Variants in SLC6A11 observed in about 807,000 individuals in gnomAD.
SLC6A11 encodes sodium- and chloride-dependent GABA transporter 3.
Under a neutral mutation model 74.8 loss-of-function variants are expected in SLC6A11, and 25 were observed. The observed-to-expected ratio is 0.33, with a 90% CI of 0.24 to 0.47. The LOEUF is 0.47. SLC6A11 is among the 20% of genes least tolerant of loss of function. SLC6A11 has a pLI of 1.00. For missense variants in SLC6A11, 574 were observed against 837.0 expected, an observed-to-expected ratio of 0.69 and a Z score of 3.88; for synonymous variants, 330 against 330.2, an observed-to-expected ratio of 1.00 and a Z score of 0.01.
At chr3:10,925,012 G>A (rs186368873) in intron 8 of SLC6A11, among the ~76,000 whole-genome samples, 5 of 152,110 alleles carry the variant, frequency 3.3e-5, no homozygotes, top group Non-Finnish European at 5.9e-5. Context: ...GTCCGAGGAC[G>A]AAAAAAAATT....
chr3:10,920,790 G>A (rs1326217929), intron 8 of SLC6A11, among the ~76,000 whole-genome samples: 1 of 152,244 alleles, frequency 6.6e-6, no homozygotes, highest in Non-Finnish European at 1.5e-5. Context: ...CATAAGCAGT[G>A]CAGCCTGGAT....
At chr3:10,887,501 A>C (rs1057019136) in intron 6 of SLC6A11, among the ~76,000 whole-genome samples, 1 of 152,138 alleles carries the variant, frequency 6.6e-6, no homozygotes. Context: ...GCTGGAGTAC[A>C]ATGGCCTGAT....
intron 6 of SLC6A11, among the ~76,000 whole-genome samples, chr3:10,876,739 C>A (rs1246196171): frequency 2.3e-5 from 1 of 43,432 alleles, no homozygotes; most frequent in Non-Finnish European, 6.1e-5. Context: ...AACGCCCCGC[C>A]CCCCCCCCCC....
In SLC6A11 at chr3:10,935,206, C is replaced by A; in HGVS notation, c.1746+7C>A. On this transcript the variant is annotated splice_region_variant and intron_variant, in intron 13 of 13. Transcript: ENST00000254488. Reference sequence around the variant, plus strand: ...GGAGGGGACACTGCCCGAGGTGAGACCGCCCCAGGAGGGCTGGTGCGTTTG... The same window carrying A: ...GGAGGGGACACTGCCCGAGGTGAGAACGCCCCAGGAGGGCTGGTGCGTTTG... The A allele has an allele frequency of 6.2e-7, 1 of 1,613,706 alleles. No homozygotes were observed. Among genetic ancestry groups the A allele is most frequent in the Non-Finnish European group, 8.5e-7 (1 of 1,179,704 alleles).
intron 5 of SLC6A11, among the ~76,000 whole-genome samples, chr3:10,866,855 G>T (rs1168226288): frequency 6.6e-6 from 1 of 152,200 alleles, no homozygotes; most frequent in Non-Finnish European, 1.5e-5. Context: ...CATGTGTCCA[G>T]GGTGGCCTTT....
intron 5 of SLC6A11, among the ~76,000 whole-genome samples, chr3:10,858,864 G>T (rs1163753099): frequency 1.3e-5 from 2 of 152,208 alleles, no homozygotes; most frequent in African/African-American, 2.4e-5. Context: ...CTAAGACTTG[G>T]TCCTGTGCAG....
At chr3:10,870,011 A>AG (rs1694810576) in intron 5 of SLC6A11, among the ~76,000 whole-genome samples, 1 of 152,086 alleles carries the variant, frequency 6.6e-6, no homozygotes, top group African/African-American at 2.4e-5. Context: ...TGAATATATG[A>AG]GGGGGCAGAC....
At chr3:10,838,459 A>G (rs1694395571) in intron 4 of SLC6A11, among the ~76,000 whole-genome samples, 1 of 152,204 alleles carries the variant, frequency 6.6e-6, no homozygotes, top group African/African-American at 2.4e-5. Context: ...TCAACTCTCA[A>G]TCTGGGGGCA....
At chr3:10,859,684 G>A (rs1694680711) in intron 5 of SLC6A11, among the ~76,000 whole-genome samples, 2 of 152,168 alleles carry the variant, frequency 1.3e-5, no homozygotes, top group Non-Finnish European at 2.9e-5. Flanking sequence ...GTGAGGGTCT[G>A]TAGATATCGT....
chr3:10,845,340 G>T (rs1009710701), intron 5 of SLC6A11, among the ~76,000 whole-genome samples: 2 of 152,140 alleles, frequency 1.3e-5, no homozygotes, highest in African/African-American at 4.8e-5. Context: ...TCCTGTGGCT[G>T]AGTATCAATG....
intron 6 of SLC6A11, among the ~76,000 whole-genome samples, chr3:10,882,180 C>A (rs143877434): frequency 1.3e-5 from 2 of 152,176 alleles, no homozygotes; most frequent in Admixed American, 1.3e-4. Context: ...AGGGCTGAGA[C>A]GGCACAGCAA....
chr3:10,900,864 T>C (rs1385182308), intron 6 of SLC6A11, among the ~76,000 whole-genome samples: 1 of 152,180 alleles, frequency 6.6e-6, no homozygotes, highest in Non-Finnish European at 1.5e-5. Context: ...TTGCCCACTC[T>C]GACTCCCCCT....
At position 10,926,000 on chromosome 3, in the gene SLC6A11, C is replaced by G. The variant is rs756333513; in HGVS notation, c.1121-4C>G. The G allele has an allele frequency of 9.5e-6, 15 of 1,582,074 alleles. No individual in the cohort carries two copies. Among genetic ancestry groups the G allele is most frequent in the Admixed American group, 1.7e-5 (1 of 59,204 alleles). On this transcript the variant is annotated splice_polypyrimidine_tract_variant and splice_region_variant and intron_variant, in intron 8 of 13. Coordinates refer to ENST00000254488, the MANE Select transcript of SLC6A11 (RefSeq NM_014229.3). ...AGTGGCTTTCTCTCTCTCCCTCGCT[C>G]CAGGCCCCGGCCTGGCCTTTATTGC...
intron 5 of SLC6A11, among the ~76,000 whole-genome samples, chr3:10,844,782 A>T (rs1411175289): frequency 2.6e-5 from 4 of 152,102 alleles, no homozygotes; most frequent in Admixed American, 2.6e-4. Flanking sequence ...CCTCACCTGG[A>T]GTCTGGAGGG....
intron 4 of SLC6A11, among the ~76,000 whole-genome samples, chr3:10,830,694 G>A (rs1694283584): frequency 6.6e-6 from 1 of 152,152 alleles, no homozygotes; most frequent in African/African-American, 2.4e-5. Context: ...GGAGCTACAG[G>A]GCCGAGGGAG....
intron 11 of SLC6A11, among the ~76,000 whole-genome samples, chr3:10,933,806 C>G (rs577015443): frequency 6.6e-6 from 1 of 152,338 alleles, no homozygotes; most frequent in Admixed American, 6.5e-5. Flanking sequence ...CACCTTCCGC[C>G]TTTCTCCCAG....
At chr3:10,819,683 A>C in intron 2 of SLC6A11, 29 bp from the exon 3 acceptor site, 2 of 1,612,176 alleles carry the variant, frequency 1.2e-6, no homozygotes, top group Non-Finnish European at 1.7e-6. Context: ...AGATAGACTC[A>C]AATTCCTTCC....
intron 6 of SLC6A11, among the ~76,000 whole-genome samples, chr3:10,883,178 A>C (rs1239275350): frequency 6.6e-6 from 1 of 152,168 alleles, no homozygotes; most frequent in African/African-American, 2.4e-5. Flanking sequence ...GTCCCCCAGC[A>C]ATTTGCATTC....
intron 4 of SLC6A11, among the ~76,000 whole-genome samples, chr3:10,831,477 G>A (rs976140084): frequency 1.3e-5 from 2 of 152,102 alleles, no homozygotes; most frequent in East Asian, 3.9e-4. Flanking sequence ...AAGTGAAAAA[G>A]GTGAGCTGTA....
Sources: allele counts gnomAD v4.1 joint callset (sites outside exome capture counted in the v4.1 genomes callset), GRCh38; gene constraint gnomAD v4.1.1; transcripts MANE v1.5; gene names NCBI Gene and HGNC (gene_info 2026-07-23, HGNC 2026-07-21).